The following TPRG1 variants were observed in gnomAD, a reference collection of about 807,000 sequenced individuals.
The protein encoded by TPRG1 is tumor protein p63-regulated gene 1 protein.
TPRG1 carries 29 observed loss-of-function variants against 29.3 expected under a neutral mutation model. The ratio of observed to expected loss-of-function variants is 0.99; its 90% CI spans 0.74 to 1.35. The LOEUF is 1.35. Among genes scored for constraint, TPRG1 ranks in the 40% most tolerant of loss-of-function variants. TPRG1 has a pLI of 0.00. For missense variants in TPRG1, 327 were observed against 335.0 expected (o/e 0.98, Z 0.19); for synonymous variants, 130 against 116.8 (o/e 1.11, Z -0.73).
intron 3 of TPRG1, among the ~76,000 whole-genome samples, chr3:189,007,922 A>G (rs1015580739): frequency 7.0e-6 from 1 of 142,562 alleles, no homozygotes; most frequent in African/African-American, 2.7e-5. Flanking sequence ...GGGGAGGGAT[A>G]GCATTGGGAG....
chr3:189,195,881 A>G (rs1034583006), intron 1 of TPRG1, among the ~76,000 whole-genome samples: 7 of 152,176 alleles, frequency 4.6e-5, no homozygotes, highest in Non-Finnish European at 1.0e-4. Context: ...TGTGTTTACC[A>G]GGGTTTCTGT....
chr3:189,297,427 C>T (rs1385817785), intron 4 of TPRG1, among the ~76,000 whole-genome samples: 4 of 152,130 alleles, frequency 2.6e-5, no homozygotes, highest in African/African-American at 4.8e-5. Context: ...CCCATCCCCG[C>T]GGCCTGAGGA....
At chr3:189,099,496 G>A (rs1718928623), upstream of TPRG1, among the ~76,000 whole-genome samples, 1 of 152,144 alleles carries the variant, frequency 6.6e-6, no homozygotes, top group South Asian at 2.1e-4. Flanking sequence ...CTTCCAGGAA[G>A]CCGCTTCCTC....
rs1207617132 is a variant in TPRG1, at chr3:189,093,523, T to C, written c.-462-33534T>C. Among the ~76,000 whole-genome samples the C allele has an allele frequency of 3.9e-5, 6 of 152,200 alleles. No homozygotes were observed. In the South Asian group the frequency reaches 6.2e-4, roughly 16 times the overall value. ...GAGCTGAATGAAATGGTCTCTTATT[T>C]TGTGGGCTCGCGGGGATTTTATTAG... On this transcript the variant is annotated intron_variant, in intron 4 of 10. Coordinates refer to the TPRG1 transcript ENST00000433971.
At chr3:189,232,122 T>C (rs534153298) in intron 3 of TPRG1, among the ~76,000 whole-genome samples, 4 of 152,310 alleles carry the variant, frequency 2.6e-5, no homozygotes, top group African/African-American at 9.6e-5. Flanking sequence ...ATGGAACTCA[T>C]GGTAGGACTT....
chr3:189,231,073 A>T (rs1738563791), intron 3 of TPRG1, among the ~76,000 whole-genome samples: 1 of 152,094 alleles, frequency 6.6e-6, no homozygotes, highest in African/African-American at 2.4e-5. Flanking sequence ...GTTCTTACTT[A>T]TAAGGTGTTC....
intron 5 of TPRG1, among the ~76,000 whole-genome samples, chr3:189,162,052 G>A (rs374247054): frequency 1.9e-3 from 282 of 152,196 alleles, no homozygotes; most frequent in African/African-American, 6.6e-3. Context: ...GAGTGCAGTC[G>A]TGTGATCTTG....
chr3:189,229,802 T>C (rs1037902510), intron 3 of TPRG1, among the ~76,000 whole-genome samples: 3 of 152,122 alleles, frequency 2.0e-5, no homozygotes, highest in African/African-American at 7.2e-5. Flanking sequence ...CCTCAGAGTA[T>C]TTTTACAACA....
intron 4 of TPRG1, among the ~76,000 whole-genome samples, chr3:189,290,341 C>G (rs574939141): frequency 3.3e-5 from 5 of 152,186 alleles, no homozygotes; most frequent in Non-Finnish European, 5.9e-5. Context: ...AACCACTTAA[C>G]ACCTCCTCCC....
intron 4 of TPRG1, among the ~76,000 whole-genome samples, chr3:189,244,707 A>T (rs1741127774): frequency 6.6e-6 from 1 of 152,138 alleles, no homozygotes; most frequent in Non-Finnish European, 1.5e-5. Context: ...ATCATCTTCC[A>T]TCAGGCCCCA....
rs1712798173 is a variant in TPRG1, at chr3:189,014,152, T to C, written c.-660+9392T>C. On this transcript the variant is annotated intron_variant, in intron 3 of 10. Coordinates refer to the TPRG1 transcript ENST00000433971. Reference sequence around the variant, plus strand: ...TGTAATGGCTGCTAATAGTTTTTCTTGTCCATATTTAGTGTTTCTTTCAGA... The same window carrying C: ...TGTAATGGCTGCTAATAGTTTTTCTCGTCCATATTTAGTGTTTCTTTCAGA... 2.0e-5 allele frequency among the ~76,000 whole-genome samples: 3 copies of C among 152,222 alleles called. No homozygotes were observed. The South Asian group carries it at 6.2e-4, about 31-fold the overall frequency.
intron 5 of TPRG1, among the ~76,000 whole-genome samples, chr3:189,161,464 C>CT (rs869300717): frequency 6.7e-4 from 69 of 103,038 alleles, no homozygotes; most frequent in Middle Eastern, 7.6e-3. Flanking sequence ...GTAGTAGGTT[C>CT]TTTTTTTTTA....
At chr3:189,087,279 G>A (rs1718012229) in intron 4 of TPRG1, among the ~76,000 whole-genome samples, 2 of 152,150 alleles carry the variant, frequency 1.3e-5, no homozygotes, top group African/African-American at 2.4e-5. Flanking sequence ...ATTTTTTCCT[G>A]TGTCTGTTGG....
At chr3:189,162,664 A>G (rs1412248051) in intron 5 of TPRG1, among the ~76,000 whole-genome samples, 1 of 152,162 alleles carries the variant, frequency 6.6e-6, no homozygotes, top group African/African-American at 2.4e-5. Context: ...TTCATGTTCC[A>G]AATCAAAAGG....
At chr3:189,129,794 T>C (rs1722904500) in intron 2 of TPRG1, among the ~76,000 whole-genome samples, 1 of 152,222 alleles carries the variant, frequency 6.6e-6, no homozygotes, top group Admixed American at 6.5e-5. Flanking sequence ...GATTTTGAGC[T>C]ATGGTAAAGT....
At chr3:189,286,312 A>G (rs992826576) in intron 4 of TPRG1, among the ~76,000 whole-genome samples, 2 of 151,948 alleles carry the variant, frequency 1.3e-5, no homozygotes, top group Non-Finnish European at 1.5e-5. Flanking sequence ...TTTTTTTTAT[A>G]TCATATCCTT....
rs1730334839 is a variant in TPRG1 at position 189,182,327 on chromosome 3, A to T, written c.-10+10196A>T. 6.6e-5 allele frequency among the ~76,000 whole-genome samples: 10 copies of T among 152,234 alleles called. No individual in the cohort carries two copies. The South Asian group carries it at 2.1e-3, about 32-fold the overall frequency. On this transcript the variant is annotated intron_variant, in intron 1 of 5. Transcript: ENST00000345063. ...CTTGCTGAGCAGTAAGTCAAAGAAGATGAAACTAATAAAAGTGTCTGCTTA... is the reference window on the plus strand; with the variant it reads ...CTTGCTGAGCAGTAAGTCAAAGAAGTTGAAACTAATAAAAGTGTCTGCTTA...
chr3:189,054,645 T>TACA (rs1715541595), intron 4 of TPRG1, among the ~76,000 whole-genome samples: 2 of 151,784 alleles, frequency 1.3e-5, no homozygotes, highest in East Asian at 3.9e-4. Context: ...AAGCCGGGTG[T>TACA]GGTGGTACCC....
intron 1 of TPRG1, among the ~76,000 whole-genome samples, chr3:189,195,183 G>A (rs1732332091): frequency 6.6e-6 from 1 of 152,048 alleles, no homozygotes; most frequent in Non-Finnish European, 1.5e-5. Context: ...CTGGGATGCA[G>A]GTTGCTGCTT....
Sources: allele counts gnomAD v4.1 joint callset (sites outside exome capture counted in the v4.1 genomes callset), GRCh38; gene constraint gnomAD v4.1.1; transcripts MANE v1.5; gene names NCBI Gene and HGNC (gene_info 2026-07-23, HGNC 2026-07-21).